Variants in CPA6 observed in about 807,000 individuals in gnomAD.
CPA6 encodes the protein carboxypeptidase A6, also known as carboxypeptidase B.
A neutral mutation model predicts 63.3 loss-of-function variants in CPA6; 58 were observed. The ratio of observed to expected loss-of-function variants is 0.92; its 90% CI spans 0.74 to 1.14. The LOEUF is 1.14. Ranked by LOEUF, CPA6 falls within the 50% of genes most tolerant of loss-of-function variation. The pLI, the probability that CPA6 is intolerant of heterozygous loss-of-function variation, is 0.00. For synonymous variants in CPA6, 185 were observed against 179.0 expected (o/e 1.03, Z -0.27); for missense variants, 565 against 526.6 (o/e 1.07, Z -0.71).
At chr8:67,548,984 A>G (rs1292705829) in intron 2 of CPA6, among the ~76,000 whole-genome samples, 1 of 152,226 alleles carries the variant, frequency 6.6e-6, no homozygotes, top group Non-Finnish European at 1.5e-5. Flanking sequence ...GAGACAGAAT[A>G]GAATTTACAG....
chr8:67,511,145 C>T (rs998561523), intron 4 of CPA6, among the ~76,000 whole-genome samples: 1 of 152,126 alleles, frequency 6.6e-6, no homozygotes, highest in African/African-American at 2.4e-5. Flanking sequence ...GAGGTCTCAA[C>T]TTTGCAGAGG....
intron 1 of CPA6, among the ~76,000 whole-genome samples, chr8:67,654,529 G>A (rs976733079): frequency 5.3e-5 from 8 of 152,092 alleles, no homozygotes; most frequent in East Asian, 3.8e-4. Context: ...GTTTATTTGC[G>A]TAGAGGTGTT....
intron 9 of CPA6, among the ~76,000 whole-genome samples, chr8:67,429,859 G>A (rs1429970897): frequency 6.6e-6 from 1 of 152,056 alleles, no homozygotes; most frequent in Non-Finnish European, 1.5e-5. Flanking sequence ...TTTACACAAA[G>A]GAGATGCACA....
chr8:67,705,776 T>C (rs1817120959), intron 1 of CPA6, among the ~76,000 whole-genome samples: 1 of 152,184 alleles, frequency 6.6e-6, no homozygotes, highest in African/African-American at 2.4e-5. Flanking sequence ...CTAGCAAAAA[T>C]CTAACTGAGC....
Position 67,672,409 on chromosome 8 carries a change from AT to A in CPA6, c.117-48159del, listed in dbSNP as rs143149347. Among the ~76,000 whole-genome samples the A allele has an allele frequency of 5.6e-3, 843 of 151,816 alleles. 4 individuals carry two copies. The highest frequency in any genetic ancestry group is 9.2e-3 in the Non-Finnish European group (624 of 67,934). Reference sequence around the variant, plus strand: ...GCAACCCAAGTCAGTTCCTCTTCCCATTTTTTCCCCTTGTTTCACTAAAAGG... The same window carrying A: ...GCAACCCAAGTCAGTTCCTCTTCCCATTTTTCCCCTTGTTTCACTAAAAGG... On this transcript the variant is annotated intron_variant, in intron 1 of 10. Coordinates refer to ENST00000297770, the MANE Select transcript of CPA6 (RefSeq NM_020361.5).
intron 8 of CPA6, among the ~76,000 whole-genome samples, chr8:67,437,191 C>G (rs538592785): frequency 8.5e-5 from 13 of 152,222 alleles, no homozygotes; most frequent in Middle Eastern, 3.4e-3. Flanking sequence ...GTCAGGAGAT[C>G]GAGACCATCC....
At chr8:67,455,928 T>C (rs1433691198) in intron 8 of CPA6, among the ~76,000 whole-genome samples, 1 of 152,074 alleles carries the variant, frequency 6.6e-6, no homozygotes, top group Non-Finnish European at 1.5e-5. Context: ...TTATCTGAGT[T>C]GATCTTGACC....
chr8:67,619,141 G>A (rs1031449567), intron 2 of CPA6, among the ~76,000 whole-genome samples: 3 of 152,166 alleles, frequency 2.0e-5, no homozygotes, highest in Non-Finnish European at 4.4e-5. Flanking sequence ...AGAAGACATT[G>A]TGAATTTATA....
chr8:67,659,253 CA>C (rs371062518), intron 1 of CPA6, among the ~76,000 whole-genome samples: 360 of 152,264 alleles, frequency 2.4e-3, no homozygotes, highest in African/African-American at 8.4e-3. Flanking sequence ...TAATAGAGTT[CA>C]AATTCAGATT....
At chr8:67,466,516 T>C (rs576534081) in intron 8 of CPA6, among the ~76,000 whole-genome samples, 1 of 152,324 alleles carries the variant, frequency 6.6e-6, no homozygotes, top group East Asian at 1.9e-4. Flanking sequence ...GAAGTTAGTT[T>C]TGTCTTGTTT....
At chr8:67,697,776 A>C (rs1043210727) in intron 1 of CPA6, among the ~76,000 whole-genome samples, 5 of 151,856 alleles carry the variant, frequency 3.3e-5, no homozygotes, top group African/African-American at 1.2e-4. Context: ...GAAAAAAAAA[A>C]CTAATTTTAT....
At chr8:67,600,012 G>A (rs1407385536) in intron 2 of CPA6, among the ~76,000 whole-genome samples, 1 of 151,566 alleles carries the variant, frequency 6.6e-6, no homozygotes, top group Non-Finnish European at 1.5e-5. Flanking sequence ...TCAAACCCTG[G>A]CTAACTGAAA....
At chr8:67,462,073 A>C (rs1283567931) in intron 8 of CPA6, among the ~76,000 whole-genome samples, 1 of 151,900 alleles carries the variant, frequency 6.6e-6, no homozygotes, top group East Asian at 1.9e-4. Context: ...ATGGACATAC[A>C]TGGGATGCCA....
At chr8:67,681,522 A>C (rs1816598591) in intron 1 of CPA6, among the ~76,000 whole-genome samples, 1 of 152,176 alleles carries the variant, frequency 6.6e-6, no homozygotes, top group African/African-American at 2.4e-5. Context: ...GATTTTCTTT[A>C]ATGTTGTCTA....
intron 2 of CPA6, among the ~76,000 whole-genome samples, chr8:67,545,529 A>T: frequency 7.0e-6 from 1 of 142,568 alleles, no homozygotes; most frequent in South Asian, 2.2e-4. Flanking sequence ...TTAGTCTTTC[A>T]TTAATCTGTT....
At chr8:67,524,395 C>G (rs1419149845) in intron 2 of CPA6, among the ~76,000 whole-genome samples, 4 of 152,144 alleles carry the variant, frequency 2.6e-5, no homozygotes, top group Non-Finnish European at 4.4e-5. Context: ...AGTCCAAAAT[C>G]AAGGTGTTGG....
intron 1 of CPA6, among the ~76,000 whole-genome samples, chr8:67,716,526 T>C (rs1055934846): frequency 6.6e-6 from 1 of 152,004 alleles, no homozygotes; most frequent in Non-Finnish European, 1.5e-5. Flanking sequence ...AATAATCTCT[T>C]ATGCCTCAGT....
At chr8:67,557,667 G>A (rs551033865) in intron 2 of CPA6, among the ~76,000 whole-genome samples, 5 of 152,184 alleles carry the variant, frequency 3.3e-5, no homozygotes, top group Non-Finnish European at 7.3e-5. Flanking sequence ...GTATCAGCCA[G>A]TGCCCCCCTC....
chr8:67,473,626 A>T (rs1042656194), intron 8 of CPA6, among the ~76,000 whole-genome samples: 1 of 150,088 alleles, frequency 6.7e-6, no homozygotes, highest in African/African-American at 2.5e-5. Context: ...ATTTTTTGAG[A>T]CAAGGTCTCA....
Sources: allele counts gnomAD v4.1 joint callset (sites outside exome capture counted in the v4.1 genomes callset), GRCh38; gene constraint gnomAD v4.1.1; transcripts MANE v1.5; gene names NCBI Gene and HGNC (gene_info 2026-07-23, HGNC 2026-07-21).